Variants in OR9Q1 observed in about 807,000 individuals in gnomAD.
OR9Q1 encodes olfactory receptor family 9 subfamily Q member 1.
For missense variants in OR9Q1, 374 were observed against 378.8 expected (o/e 0.99, Z 0.11); for synonymous variants, 153 against 148.6 (o/e 1.03, Z -0.22).
chr11:58,112,217 C>T (rs143851919), intron 2 of OR9Q1, among the ~76,000 whole-genome samples: 10 of 151,982 alleles, frequency 6.6e-5, no homozygotes, highest in Admixed American at 4.6e-4. Flanking sequence ...TTCTTGAACC[C>T]GGGAGGTGGA....
rs760766243 is a variant in OR9Q1 at position 58,179,459 on chromosome 11, C to T, written c.15C>T (p.Asn5=). The change falls in exon 3 of 3, where the codon AAC becomes AAT. Residue 5 remains asparagine, a synonymous_variant. Coordinates refer to ENST00000335397, the MANE Select transcript of OR9Q1 (RefSeq NM_001005212.4). ...CCACTGGTGTCATGGCAGAGATGAA[C>T]CTCACCTTGGTGACCGAGTTCCTCC... The part of the protein sequence containing the change: MAEM[N]LTLVTEFLLI... The T allele has an allele frequency of 1.9e-6, 3 of 1,566,840 alleles. No homozygotes were observed. The highest frequency in any genetic ancestry group is 1.8e-5 in the Admixed American group (1 of 55,700).
chr11:58,130,603 C>A (rs1487214139), intron 2 of OR9Q1, among the ~76,000 whole-genome samples: 1 of 152,002 alleles, frequency 6.6e-6, no homozygotes, highest in Non-Finnish European at 1.5e-5. Context: ...ACCAGCCTGG[C>A]CTACATGGCG....
In OR9Q1 at chr11:58,179,784, C is replaced by G; in HGVS notation, c.340C>G (p.Leu114Val). Residue 114 changes from leucine to valine, a missense_variant, in exon 3 of 3, where the codon CTC (leucine) becomes GTC (valine). Transcript: ENST00000335397. ...CTTCTTTGGTTCCATCGACTGCTACCTCTTGGCCCTCATGGCCTATGACCG... is the reference window on the plus strand; with the variant it reads ...CTTCTTTGGTTCCATCGACTGCTACGTCTTGGCCCTCATGGCCTATGACCG... ...FTFFGSIDCYLLALMAYDRYL... is the reference protein window; with the variant it reads ...FTFFGSIDCYVLALMAYDRYL... 1 of 1,614,204 alleles carries G rather than the reference C, an allele frequency of 6.2e-7. No individual in the cohort carries two copies. The highest frequency in any genetic ancestry group is 8.5e-7 in the Non-Finnish European group (1 of 1,180,030).
rs79544994 is a variant in OR9Q1, at chr11:58,157,293, C to A, written c.-14-22138C>A. Among the ~76,000 whole-genome samples, 766 of 152,280 alleles carry A rather than the reference C, an allele frequency of 5.0e-3. 7 individuals carry two copies. The highest frequency in any genetic ancestry group is 0.018 in the African/African-American group (737 of 41,550). Reference sequence around the variant, plus strand: ...TCAGCTCACTTGCTCAGTAATCCTCCCAGGCCTTCCCTGAAGGGGTCTATG... The same window carrying A: ...TCAGCTCACTTGCTCAGTAATCCTCACAGGCCTTCCCTGAAGGGGTCTATG... On this transcript the variant is annotated intron_variant, in intron 2 of 2. Transcript: ENST00000335397.
At position 58,174,067 on chromosome 11, in the gene OR9Q1, T is replaced by C. The variant is rs1320415227; in HGVS notation, c.-14-5364T>C. Among the ~76,000 whole-genome samples the C allele has an allele frequency of 5.3e-5, 8 of 152,192 alleles. No homozygotes were observed. The East Asian group carries it at 9.6e-4, about 18-fold the overall frequency. On this transcript the variant is annotated intron_variant, in intron 2 of 2. Transcript: ENST00000335397. ...AGAGTATTTATGGACAATAGGAATA[T>C]TGGATCATTGTTCATAAAATAAACT...
At position 58,108,970 on chromosome 11, in the gene OR9Q1, G is replaced by C. The variant is rs7112431; in HGVS notation, c.-15+53023G>C. ...GGAGAAGGTCTTGGCTTACCCACCT[G>C]CCGACTTCACCCTCAAAATGGCTCT... On this transcript the variant is annotated intron_variant, in intron 2 of 2. Coordinates refer to ENST00000335397, the MANE Select transcript of OR9Q1 (RefSeq NM_001005212.4). 1,204 of 399,646 alleles carry C rather than the reference G, an allele frequency of 3.0e-3. 6 individuals are homozygous for C. The highest frequency in any genetic ancestry group is 0.023 in the African/African-American group (1,129 of 48,938). 24.8% of individuals were successfully genotyped at this position (399,646 alleles called of 1,614,324 possible).
chr11:58,073,607 C>CA, intron 2 of OR9Q1: 1 of 152,636 alleles, frequency 6.6e-6, no homozygotes. Flanking sequence ...AACTGACCTC[C>CA]AAAAAATGAT....
At position 58,180,098 on chromosome 11, in the gene OR9Q1, C is replaced by G. The variant is rs750667347; in HGVS notation, c.654C>G (p.Tyr218Ter). 1.9e-6 allele frequency: 3 copies of G among 1,614,166 alleles called. No homozygotes were observed. In the Admixed American group the frequency reaches 5.0e-5, roughly 27 times the overall value. Residue 218 changes from tyrosine to a stop codon, truncating the protein, a stop_gained, in exon 3 of 3, where the codon TAC becomes TAG. Transcript: ENST00000335397. LOFTEE classifies it high-confidence loss of function. Reference sequence around the variant, plus strand: ...CCATGGTGGTGATCTTGGTGTCCTACCTGTTTATCATCGTGGCCATCATGG... The same window carrying G: ...CCATGGTGGTGATCTTGGTGTCCTAGCTGTTTATCATCGTGGCCATCATGG... ...PASMVVILVS[Y>*]LFIIVAIMGI...
At chr11:58,034,656 T>A (rs977046849) in intron 1 of OR9Q1, among the ~76,000 whole-genome samples, 5 of 152,038 alleles carry the variant, frequency 3.3e-5, no homozygotes, top group African/African-American at 1.2e-4. Context: ...ATTTACATGG[T>A]CAATACTGGG....
intron 1 of OR9Q1, among the ~76,000 whole-genome samples, chr11:58,024,806 G>A (rs914932937): frequency 6.6e-6 from 1 of 152,140 alleles, no homozygotes; most frequent in African/African-American, 2.4e-5. Flanking sequence ...TGGAGCCTGT[G>A]GGATATTCCT....
chr11:58,148,761 A>G (rs549538358), intron 2 of OR9Q1, among the ~76,000 whole-genome samples: 9 of 152,314 alleles, frequency 5.9e-5, no homozygotes, highest in African/African-American at 2.2e-4. Flanking sequence ...CCTGAATCTT[A>G]CTTAGATAGA....
intron 2 of OR9Q1, among the ~76,000 whole-genome samples, chr11:58,164,215 A>G (rs1191043703): frequency 6.6e-6 from 1 of 152,006 alleles, no homozygotes; most frequent in African/African-American, 2.4e-5. Flanking sequence ...AGAATGATAA[A>G]ATTAAATCCT....
At chr11:58,093,144 A>T (rs539444573) in intron 2 of OR9Q1, among the ~76,000 whole-genome samples, 1 of 152,334 alleles carries the variant, frequency 6.6e-6, no homozygotes, top group South Asian at 2.1e-4. Flanking sequence ...CTTCAAAATT[A>T]TGCATACCAC....
At chr11:58,043,783 A>G (rs1000232288) in intron 1 of OR9Q1, among the ~76,000 whole-genome samples, 1 of 152,120 alleles carries the variant, frequency 6.6e-6, no homozygotes, top group Non-Finnish European at 1.5e-5. Flanking sequence ...ATGCTTGAAT[A>G]TTTATTTATT....
At chr11:58,140,230 G>C (rs1220713412) in intron 2 of OR9Q1, among the ~76,000 whole-genome samples, 1 of 151,196 alleles carries the variant, frequency 6.6e-6, no homozygotes, top group Admixed American at 6.6e-5. Context: ...CTCCCATTCT[G>C]TAGGTTGCCT....
At chr11:58,142,932 G>T (rs1854264520) in intron 2 of OR9Q1, among the ~76,000 whole-genome samples, 1 of 152,154 alleles carries the variant, frequency 6.6e-6, no homozygotes, top group African/African-American at 2.4e-5. Flanking sequence ...TGGAAACCAG[G>T]CCATGTTGCT....
chr11:58,030,889 C>T (rs1853025349), intron 1 of OR9Q1: 4 of 993,666 alleles, frequency 4.0e-6, no homozygotes, highest in Non-Finnish European at 6.2e-6. Flanking sequence ...TCCAACCTCA[C>T]AGGTTCTCTT....
chr11:58,149,235 A>T (rs553876281), intron 2 of OR9Q1, among the ~76,000 whole-genome samples: 1 of 152,176 alleles, frequency 6.6e-6, no homozygotes, highest in Non-Finnish European at 1.5e-5. Context: ...GTTGTTTTAT[A>T]TATAGACAGA....
chr11:58,041,718 TG>T (rs1321957094), intron 1 of OR9Q1: 2 of 152,040 alleles, frequency 1.3e-5, no homozygotes, highest in East Asian at 3.9e-4. Flanking sequence ...GACAACAGAG[TG>T]GGGAAGCTTT....
Sources: allele counts gnomAD v4.1 joint callset (sites outside exome capture counted in the v4.1 genomes callset), GRCh38; gene constraint gnomAD v4.1.1; transcripts MANE v1.5; gene names NCBI Gene and HGNC (gene_info 2026-07-23, HGNC 2026-07-21).